The following CHST8 variants were observed in gnomAD, a reference collection of about 807,000 sequenced individuals.
CHST8 encodes GALNAC-4-ST1.
In CHST8, 10 loss-of-function variants were observed where a neutral mutation model predicts 15.0. The observed-to-expected ratio is 0.67, with a 90% CI of 0.41 to 1.13. The LOEUF (loss-of-function observed/expected upper bound fraction) is 1.13. Among genes scored for constraint, CHST8 ranks in the 50% most tolerant of loss-of-function variants. The pLI is 0.00. For synonymous variants in CHST8, 259 were observed against 256.6 expected (o/e 1.01, Z -0.09); for missense variants, 634 against 608.2 (o/e 1.04, Z -0.45).
At chr19:33,763,925 A>G (rs919328290) in intron 3 of CHST8, among the ~76,000 whole-genome samples, 35 of 152,344 alleles carry the variant, frequency 2.3e-4, no homozygotes, top group African/African-American at 8.4e-4. Context: ...CCGGCCTGGC[A>G]TACTGTGGAT....
At chr19:33,655,786 G>A (rs1972503850) in intron 1 of CHST8, among the ~76,000 whole-genome samples, 1 of 150,916 alleles carries the variant, frequency 6.6e-6, no homozygotes, top group South Asian at 2.1e-4. Context: ...TCTTTTCTTG[G>A]TTAGACTTTA....
chr19:33,758,919 T>C, intron 3 of CHST8, among the ~76,000 whole-genome samples: 1 of 142,308 alleles, frequency 7.0e-6, no homozygotes, highest in South Asian at 2.2e-4. Flanking sequence ...CTTGGTTTCT[T>C]GGCGGGGGGG....
At chr19:33,654,994 C>G (rs572900569) in intron 1 of CHST8, among the ~76,000 whole-genome samples, 1 of 152,282 alleles carries the variant, frequency 6.6e-6, no homozygotes, top group South Asian at 2.1e-4. Context: ...CATGGTAGGT[C>G]AAGCCTGTAA....
At chr19:33,760,668 G>A (rs1416790803) in intron 3 of CHST8, among the ~76,000 whole-genome samples, 1 of 152,070 alleles carries the variant, frequency 6.6e-6, no homozygotes, top group African/African-American at 2.4e-5. Context: ...CTTCATCCCA[G>A]GAGCCTTGCT....
At chr19:33,662,591 C>T (rs768559007) in intron 1 of CHST8, among the ~76,000 whole-genome samples, 46 of 152,084 alleles carry the variant, frequency 3.0e-4, no homozygotes, top group Admixed American at 8.5e-4. Context: ...GGAGTCCCAG[C>T]GTTACGCATT....
chr19:33,749,413 T>G, intron 3 of CHST8, among the ~76,000 whole-genome samples: 1 of 56,394 alleles, frequency 1.8e-5, no homozygotes, highest in East Asian at 5.9e-4. Flanking sequence ...CCTCCTATCA[T>G]CCCCCCTCCA....
intron 1 of CHST8, among the ~76,000 whole-genome samples, chr19:33,635,756 C>T (rs2145440872): frequency 6.6e-6 from 1 of 152,262 alleles, no homozygotes; most frequent in Non-Finnish European, 1.5e-5. Context: ...TCAGGGTTCA[C>T]TGGAGAGCTA....
chr19:33,632,484 T>C (rs1041201579), intron 1 of CHST8, among the ~76,000 whole-genome samples: 3 of 152,126 alleles, frequency 2.0e-5, no homozygotes, highest in Non-Finnish European at 4.4e-5. Flanking sequence ...AGTTTGCTAA[T>C]GATGTCTTCT....
At chr19:33,729,880 C>G (rs1057235094) in intron 3 of CHST8, among the ~76,000 whole-genome samples, 1 of 152,190 alleles carries the variant, frequency 6.6e-6, no homozygotes, top group African/African-American at 2.4e-5. Context: ...CCTGTGTTCT[C>G]AGGCTGATCC....
rs1568358541 is a variant in CHST8 at position 33,757,469 on chromosome 19, A to G, written c.131-13944A>G. Among the ~76,000 whole-genome samples, 23 of 47,368 alleles carry G rather than the reference A, an allele frequency of 4.9e-4. 2 individuals carry two copies. The highest frequency in any genetic ancestry group is 2.0e-3 in the South Asian group (3 of 1,512). The allele number at this position is 47,368 out of a possible 152,430, so 31.1% of individuals were successfully genotyped here. A position where few individuals can be genotyped will look rare whatever the true frequency, so the allele number is the denominator to read the frequency against. ...AAGAAAGAAAGAAAGAAAGAAAGAA[A>G]GAAAGAAAGAAAGAAAGAAAGAAAG... On this transcript the variant is annotated intron_variant, in intron 3 of 4. Coordinates refer to ENST00000650847, the MANE Select transcript of CHST8 (RefSeq NM_001127895.2).
At chr19:33,705,087 C>T (rs905281077) in intron 3 of CHST8, among the ~76,000 whole-genome samples, 3 of 152,108 alleles carry the variant, frequency 2.0e-5, no homozygotes, top group Non-Finnish European at 4.4e-5. Flanking sequence ...CCTAAACCCC[C>T]GTAGGGCTGA....
At chr19:33,623,435 C>T (rs1972012130) in intron 1 of CHST8, among the ~76,000 whole-genome samples, 1 of 152,186 alleles carries the variant, frequency 6.6e-6, no homozygotes. Context: ...CAGCAGAGCA[C>T]GTGGGAGAGG....
intron 3 of CHST8, among the ~76,000 whole-genome samples, chr19:33,695,663 G>C (rs140814788): frequency 0.053 from 8,018 of 151,884 alleles, 267 homozygotes; most frequent in South Asian, 0.11. Context: ...GAGAACATGC[G>C]GTATTTGGTT....
In CHST8 at chr19:33,772,915, G is replaced by A. The variant is rs1010872524; in HGVS notation, c.1127G>A (p.Arg376Gln). The A allele has an allele frequency of 2.5e-6, 4 of 1,613,462 alleles. No individual in the cohort carries two copies. Among genetic ancestry groups the A allele is most frequent in the Non-Finnish European group, 3.4e-6 (4 of 1,180,040 alleles). ...RNLTFPRFKD[R>Q]HSQEARTTAR... Reference sequence around the variant, plus strand: ...CTGACCTTCCCCCGGTTCAAGGACCGGCACTCGCAGGAGGCGCGGACCACA... The same window carrying A: ...CTGACCTTCCCCCGGTTCAAGGACCAGCACTCGCAGGAGGCGCGGACCACA... The change falls in exon 5 of 5, where the codon CGG (arginine) becomes CAG (glutamine). Residue 376 changes from arginine (R) to glutamine (Q), a missense_variant. Arg to Gln is a conservative substitution (Grantham distance 43). Transcript: ENST00000650847.
At chr19:33,715,692 G>C (rs1973653288) in intron 3 of CHST8, among the ~76,000 whole-genome samples, 1 of 152,194 alleles carries the variant, frequency 6.6e-6, no homozygotes, top group Admixed American at 6.5e-5. Context: ...CTGGCCTTGG[G>C]TTGTCCCTGG....
chr19:33,709,624 AT>A (rs780089115), intron 3 of CHST8, among the ~76,000 whole-genome samples: 1,533 of 142,552 alleles, frequency 0.011, 22 homozygotes, highest in African/African-American at 0.026. Context: ...TTTGTTGTGG[AT>A]TTTTTTTTTT....
chr19:33,627,103 G>GT (rs1972064553), intron 1 of CHST8, among the ~76,000 whole-genome samples: 1 of 123,060 alleles, frequency 8.1e-6, no homozygotes, highest in Non-Finnish European at 1.7e-5. Flanking sequence ...TTTTTTGGGG[G>GT]GGGGGCGGGT....
intron 1 of CHST8, among the ~76,000 whole-genome samples, chr19:33,626,655 C>G (rs1382139173): frequency 6.6e-6 from 1 of 152,150 alleles, no homozygotes; most frequent in Non-Finnish European, 1.5e-5. Context: ...GATCTCGGCA[C>G]ACACCGGCTC....
chr19:33,742,735 C>T (rs1974221715), intron 3 of CHST8, among the ~76,000 whole-genome samples: 1 of 152,162 alleles, frequency 6.6e-6, no homozygotes. Flanking sequence ...TTGTCGACCA[C>T]CTGACTTTCT....
Sources: allele counts gnomAD v4.1 joint callset (sites outside exome capture counted in the v4.1 genomes callset), GRCh38; gene constraint gnomAD v4.1.1; transcripts MANE v1.5; gene names NCBI Gene and HGNC (gene_info 2026-07-23, HGNC 2026-07-21).